DPP10: variants seen among roughly 807,000 people sequenced by gnomAD.
DPP10 encodes the protein inactive dipeptidyl peptidase 10.
Under a neutral mutation model 120.9 loss-of-function variants are expected in DPP10, and 33 were observed. That is an observed-to-expected ratio of 0.27 (90% CI 0.21 to 0.37). The LOEUF (loss-of-function observed/expected upper bound fraction) is 0.37. Among genes scored for constraint, DPP10 ranks in the 10% least tolerant of loss-of-function variants. DPP10 has a pLI of 1.00. For synonymous variants in DPP10, 337 were observed against 326.1 expected (o/e 1.03, Z -0.36); for missense variants, 816 against 942.8 (o/e 0.87, Z 1.76).
chr2:115,839,743 T>C (rs557151161), intron 24 of DPP10, among the ~76,000 whole-genome samples: 1 of 150,116 alleles, frequency 6.7e-6, no homozygotes, highest in East Asian at 2.0e-4. Context: ...ACTACAGGAA[T>C]GAACACCCTA....
intron 1 of DPP10, among the ~76,000 whole-genome samples, chr2:115,149,651 T>C (rs1286621787): frequency 6.6e-6 from 1 of 152,232 alleles, no homozygotes; most frequent in Admixed American, 6.5e-5. Flanking sequence ...TTTTCTTATA[T>C]CTGTATTCAG....
chr2:115,434,976 G>C (rs996799094), intron 3 of DPP10, among the ~76,000 whole-genome samples: 1 of 150,914 alleles, frequency 6.6e-6, no homozygotes, highest in Non-Finnish European at 1.5e-5. Flanking sequence ...ATGGCTTCTA[G>C]TTCCATCCAT....
intron 1 of DPP10, among the ~76,000 whole-genome samples, chr2:114,680,591 G>T (rs941514000): frequency 6.6e-6 from 1 of 151,954 alleles, no homozygotes; most frequent in African/African-American, 2.4e-5. Flanking sequence ...GTGTTAAAAG[G>T]TTAGTACAAC....
intron 3 of DPP10, among the ~76,000 whole-genome samples, chr2:115,401,406 C>A (rs1027331625): frequency 6.6e-6 from 1 of 152,068 alleles, no homozygotes. Flanking sequence ...ATAGAGAAGT[C>A]TTTCCCTGCA....
chr2:115,490,740 A>C (rs1467374706), intron 3 of DPP10, among the ~76,000 whole-genome samples: 3 of 152,234 alleles, frequency 2.0e-5, no homozygotes, highest in Non-Finnish European at 4.4e-5. Flanking sequence ...TAACATTATG[A>C]AAGTAGGTTA....
At chr2:114,878,383 A>G (rs138860751) in intron 1 of DPP10, among the ~76,000 whole-genome samples, 1,559 of 152,228 alleles carry the variant, frequency 0.01, 22 homozygotes, top group African/African-American at 0.036. Flanking sequence ...CAAACCAGGT[A>G]TTTAGGGTAT....
intron 5 of DPP10, among the ~76,000 whole-genome samples, chr2:115,575,116 A>G (rs1268608703): frequency 6.6e-6 from 1 of 152,172 alleles, no homozygotes; most frequent in Non-Finnish European, 1.5e-5. Context: ...TGCTTTAAGA[A>G]CACAATCAGT....
At chr2:115,153,724 A>C (rs566168176) in intron 1 of DPP10, among the ~76,000 whole-genome samples, 2 of 152,246 alleles carry the variant, frequency 1.3e-5, no homozygotes, top group South Asian at 4.2e-4. Flanking sequence ...TTTGAGCATA[A>C]ACTTTATTTT....
rs545547584 is a variant in DPP10, at chr2:114,662,070, C to T, written c.60+219232C>T. 9.2e-5 allele frequency among the ~76,000 whole-genome samples: 14 copies of T among 151,802 alleles called. 1 individual carries two copies. The South Asian group carries it at 2.7e-3, about 29-fold the overall frequency. ...CCCGAGGCCTCAGGTCGGCCGGCTG[C>T]CCCTCCCTCTGCTCTGTTCCTAGCA... On this transcript the variant is annotated intron_variant, in intron 1 of 25. Coordinates refer to ENST00000410059, the MANE Select transcript of DPP10 (RefSeq NM_020868.6).
At chr2:115,610,676 G>A (rs554545672) in intron 5 of DPP10, among the ~76,000 whole-genome samples, 4 of 152,196 alleles carry the variant, frequency 2.6e-5, no homozygotes, top group African/African-American at 4.8e-5. Flanking sequence ...TATATATTGG[G>A]CAGCTTAATT....
chr2:115,611,249 A>T (rs2084077334), intron 5 of DPP10, among the ~76,000 whole-genome samples: 1 of 152,192 alleles, frequency 6.6e-6, no homozygotes, highest in African/African-American at 2.4e-5. Flanking sequence ...TTTGAAGAAG[A>T]GCGTATTTTC....
rs186922466 is a variant in DPP10 at position 115,135,571 on chromosome 2, T to A, written c.61-173668T>A. Among the ~76,000 whole-genome samples the A allele has an allele frequency of 3.9e-3, 600 of 152,258 alleles. 4 individuals are homozygous for A. Among genetic ancestry groups the A allele is most frequent in the African/African-American group, 0.014 (569 of 41,544 alleles). On this transcript the variant is annotated intron_variant, in intron 1 of 25. Transcript: ENST00000410059. ...TTAAAACACTGTTCATAATTTTAAA[T>A]GGAACATTTTAAAGCTCAGTGAAAT...
At chr2:115,545,900 C>G (rs1367969849) in intron 5 of DPP10, among the ~76,000 whole-genome samples, 2 of 152,066 alleles carry the variant, frequency 1.3e-5, no homozygotes, top group Non-Finnish European at 2.9e-5. Flanking sequence ...CTAGGACTTG[C>G]AGTAAAAGTA....
At chr2:114,669,384 ATG>A (rs1423385639) in intron 1 of DPP10, among the ~76,000 whole-genome samples, 2 of 152,124 alleles carry the variant, frequency 1.3e-5, no homozygotes, top group Non-Finnish European at 2.9e-5. Flanking sequence ...GTGTACATGT[ATG>A]TTTCTATAAT....
chr2:115,388,107 T>C lies in DPP10; in HGVS notation c.271+44195T>C, dbSNP rs182257477. Among the ~76,000 whole-genome samples, 795 of 152,302 alleles carry C rather than the reference T, an allele frequency of 5.2e-3. 11 individuals are homozygous for C. Among genetic ancestry groups the C allele is most frequent in the African/African-American group, 0.017 (718 of 41,572 alleles). ...AAAGCCAAATTATAGGTCACATCAC[T>C]TTTTCATTCTCAGAAGAAGCGATTG... On this transcript the variant is annotated intron_variant, in intron 3 of 25. Transcript: ENST00000410059.
chr2:114,714,263 C>G (rs1273650065), intron 1 of DPP10, among the ~76,000 whole-genome samples: 1 of 151,892 alleles, frequency 6.6e-6, no homozygotes, highest in Non-Finnish European at 1.5e-5. Flanking sequence ...TAGTGGCAGC[C>G]AAAGTTTTTT....
intron 1 of DPP10, among the ~76,000 whole-genome samples, chr2:114,835,963 G>T (rs925860437): frequency 6.6e-6 from 1 of 151,986 alleles, no homozygotes; most frequent in African/African-American, 2.4e-5. Context: ...ATCTTCTTTT[G>T]CCCTTTATCC....
chr2:115,189,569 G>A (rs1299425752), intron 1 of DPP10, among the ~76,000 whole-genome samples: 4 of 151,960 alleles, frequency 2.6e-5, no homozygotes, highest in African/African-American at 9.7e-5. Flanking sequence ...GAAACTTGGG[G>A]TTCACTATAT....
At chr2:114,769,613 T>C (rs938304213) in intron 1 of DPP10, among the ~76,000 whole-genome samples, 3 of 152,202 alleles carry the variant, frequency 2.0e-5, no homozygotes, top group South Asian at 2.1e-4. Context: ...CTAAGTCAAA[T>C]TACCTGTTTA....
Sources: gnomAD v4.1 joint callset for allele counts (sites outside exome capture counted in the v4.1 genomes callset) on GRCh38, gnomAD v4.1.1 for gene constraint, MANE v1.5 for transcripts, NCBI Gene and HGNC (gene_info 2026-07-23, HGNC 2026-07-21) for gene names.